The following MARCHF1 variants were observed in gnomAD, a reference collection of about 807,000 sequenced individuals.
MARCHF1 encodes E3 ubiquitin-protein ligase MARCHF1.
MARCHF1 carries 40 observed loss-of-function variants against 54.2 expected under a neutral mutation model. That is an observed-to-expected ratio of 0.74 (90% CI 0.57 to 0.96). The LOEUF (loss-of-function observed/expected upper bound fraction) is 0.96, where lower values mean the gene tolerates loss of function less well. Among genes scored for constraint, MARCHF1 ranks in the 40% least tolerant of loss-of-function variants. The probability of loss-of-function intolerance (pLI) is 0.00; values close to 1 mark genes in which losing one functional copy is unlikely to be tolerated. For synonymous variants in MARCHF1, 236 were observed against 236.3 expected, an observed-to-expected ratio of 1.00 and a Z score of 0.01; for missense variants, 586 against 656.5, an observed-to-expected ratio of 0.89 and a Z score of 1.17.
intron 2 of MARCHF1, among the ~76,000 whole-genome samples, chr4:164,003,719 A>T (rs1427117382): frequency 6.6e-6 from 1 of 152,118 alleles, no homozygotes; most frequent in Non-Finnish European, 1.5e-5. Context: ...ATTGTGGAAG[A>T]CAGTGTGGTG....
intron 1 of MARCHF1, among the ~76,000 whole-genome samples, chr4:164,260,113 C>T (rs1733423224): frequency 6.6e-6 from 1 of 152,050 alleles, no homozygotes; most frequent in East Asian, 1.9e-4. Context: ...TTCTTCTTGA[C>T]ATTAAAAAAA....
chr4:164,140,256 T>TATATATATATAA (rs995663689), intron 1 of MARCHF1, among the ~76,000 whole-genome samples: 3 of 150,598 alleles, frequency 2.0e-5, no homozygotes, highest in Non-Finnish European at 4.4e-5. Flanking sequence ...TATATATATA[T>TATATATATATAA]AAATGAAACT....
chr4:164,205,930 A>G (rs995961313), intron 1 of MARCHF1, among the ~76,000 whole-genome samples: 2 of 152,196 alleles, frequency 1.3e-5, no homozygotes, highest in Non-Finnish European at 2.9e-5. Context: ...ATTAAACTCA[A>G]ACTGCATTAA....
chr4:163,674,757 A>T (rs1743854674), intron 5 of MARCHF1, among the ~76,000 whole-genome samples: 1 of 152,242 alleles, frequency 6.6e-6, no homozygotes, highest in Non-Finnish European at 1.5e-5. Context: ...TTAAATAAGT[A>T]TAATATGTAT....
intron 1 of MARCHF1, among the ~76,000 whole-genome samples, chr4:164,176,968 CTCTCT>C (rs1730691508): frequency 2.3e-5 from 1 of 43,336 alleles, no homozygotes; most frequent in South Asian, 1.1e-3. Context: ...CTCTCTCTCT[CTCTCT>C]CTCTCTCTAT....
chr4:163,720,768 G>C (rs1163189293), intron 4 of MARCHF1, among the ~76,000 whole-genome samples: 2 of 152,186 alleles, frequency 1.3e-5, no homozygotes, highest in East Asian at 3.9e-4. Context: ...GGATTCCTAG[G>C]TATTTTATTC....
intron 5 of MARCHF1, among the ~76,000 whole-genome samples, chr4:163,635,526 C>T (rs1329589997): frequency 1.4e-5 from 2 of 144,080 alleles, no homozygotes; most frequent in Admixed American, 7.0e-5. Context: ...CACATATACT[C>T]TCCCAAGACT....
rs185397827 is a variant in MARCHF1, at chr4:163,904,398, G to A, written c.-38-50229C>T. ...TATTAGGGCAGGGTTAGTTTTTAAA[G>A]TTTAATATCCTTGGAAGTAGATAGG... On this transcript the variant is annotated intron_variant, in intron 3 of 9. Coordinates refer to ENST00000514618, the MANE Select transcript of MARCHF1 (RefSeq NM_001394959.1). Among the ~76,000 whole-genome samples, 25 of 152,266 alleles carry A rather than the reference G, an allele frequency of 1.6e-4. 1 individual carries two copies. The highest frequency in any genetic ancestry group is 1.4e-3 in the Admixed American group (22 of 15,300).
At chr4:163,787,829 G>A (rs1405004468) in intron 4 of MARCHF1, among the ~76,000 whole-genome samples, 1 of 151,908 alleles carries the variant, frequency 6.6e-6, no homozygotes, top group Non-Finnish European at 1.5e-5. Context: ...CTACCCAAAT[G>A]TCTACAGACA....
At chr4:163,905,158 C>T (rs1265281796) in intron 3 of MARCHF1, among the ~76,000 whole-genome samples, 1 of 152,054 alleles carries the variant, frequency 6.6e-6, no homozygotes, top group African/African-American at 2.4e-5. Flanking sequence ...GTGTTTCTAA[C>T]ACTACAGATG....
chr4:164,226,212 G>C (rs1579638719), intron 1 of MARCHF1, among the ~76,000 whole-genome samples: 3 of 151,946 alleles, frequency 2.0e-5, no homozygotes, highest in Non-Finnish European at 2.9e-5. Flanking sequence ...ATTTCAAACA[G>C]ACTAATTAAT....
intron 3 of MARCHF1, among the ~76,000 whole-genome samples, chr4:163,903,623 T>C (rs1257546968): frequency 6.6e-6 from 1 of 151,844 alleles, no homozygotes; most frequent in Non-Finnish European, 1.5e-5. Flanking sequence ...TTCTTTCTTT[T>C]TTTTGAGACA....
At chr4:163,958,823 G>A (rs1184988967) in intron 3 of MARCHF1, among the ~76,000 whole-genome samples, 5 of 151,944 alleles carry the variant, frequency 3.3e-5, no homozygotes, top group Admixed American at 3.3e-4. Context: ...ATGAATTCAG[G>A]AAGAATTTAT....
At chr4:164,096,799 C>T (rs1259833196) in intron 2 of MARCHF1, among the ~76,000 whole-genome samples, 5 of 152,154 alleles carry the variant, frequency 3.3e-5, no homozygotes, top group Admixed American at 6.5e-5. Flanking sequence ...AATCTCACTG[C>T]ATGCAAAAAA....
chr4:164,372,824 C>T (rs1731074478), intron 1 of MARCHF1, among the ~76,000 whole-genome samples: 1 of 151,968 alleles, frequency 6.6e-6, no homozygotes, highest in Non-Finnish European at 1.5e-5. Context: ...ATAAAACACT[C>T]ACTACAAAAT....
intron 1 of MARCHF1, among the ~76,000 whole-genome samples, chr4:164,248,096 G>A (rs1235687299): frequency 6.6e-6 from 1 of 151,670 alleles, no homozygotes; most frequent in Admixed American, 6.6e-5. Context: ...CACAAGTCAG[G>A]ACCTAGAGAA....
intron 1 of MARCHF1, among the ~76,000 whole-genome samples, chr4:164,267,022 T>C (rs971939590): frequency 1.2e-4 from 18 of 152,306 alleles, no homozygotes; most frequent in African/African-American, 4.1e-4. Flanking sequence ...AGTCCAACAT[T>C]CACAGAGTTT....
chr4:164,168,616 C>A (rs1049637574), intron 1 of MARCHF1, among the ~76,000 whole-genome samples: 1 of 151,162 alleles, frequency 6.6e-6, no homozygotes, highest in Non-Finnish European at 1.5e-5. Flanking sequence ...GTGAAGCAAG[C>A]CAGACACAGA....
chr4:164,083,798 C>A (rs1032405076), intron 2 of MARCHF1, among the ~76,000 whole-genome samples: 3 of 151,958 alleles, frequency 2.0e-5, no homozygotes, highest in South Asian at 2.1e-4. Context: ...GAAGAATAAA[C>A]CTAAATTGAC....
Sources: gnomAD v4.1 joint callset for allele counts (sites outside exome capture counted in the v4.1 genomes callset) on GRCh38, gnomAD v4.1.1 for gene constraint, MANE v1.5 for transcripts, NCBI Gene and HGNC (gene_info 2026-07-23, HGNC 2026-07-21) for gene names.